Variants in MLLT10 observed in about 807,000 individuals in gnomAD.
The protein encoded by MLLT10 is protein AF-10.
MLLT10 carries 30 observed loss-of-function variants against 129.1 expected under a neutral mutation model. The ratio of observed to expected loss-of-function variants is 0.23; its 90% CI spans 0.17 to 0.32. The LOEUF is 0.32. Among genes scored for constraint, MLLT10 ranks in the 10% least tolerant of loss-of-function variants. MLLT10 has a pLI of 1.00. For missense variants in MLLT10, 1,119 were observed against 1,268.3 expected (o/e 0.88, Z 1.79); for synonymous variants, 490 against 446.4 (o/e 1.10, Z -1.23).
At chr10:21,592,760 G>T (rs1202456662) in intron 4 of MLLT10, among the ~76,000 whole-genome samples, 2 of 151,990 alleles carry the variant, frequency 1.3e-5, no homozygotes, top group Admixed American at 1.3e-4. Flanking sequence ...CACCGCGCCC[G>T]GCCAGTTTTC....
chr10:21,560,524 C>T (rs2038669103), intron 3 of MLLT10, among the ~76,000 whole-genome samples: 1 of 152,176 alleles, frequency 6.6e-6, no homozygotes, highest in Admixed American at 6.5e-5. Context: ...GGAGCGTCAA[C>T]CTCCTGGGAT....
At chr10:21,726,529 T>C (rs111439889) in intron 15 of MLLT10, among the ~76,000 whole-genome samples, 174 bp downstream of exon 15, 423 of 152,282 alleles carry the variant, frequency 2.8e-3, no homozygotes, top group African/African-American at 9.3e-3. Context: ...CTGGTTATGT[T>C]AACTAGCTTG....
At chr10:21,569,698 G>A (rs748595142) in intron 3 of MLLT10, among the ~76,000 whole-genome samples, 1 of 151,902 alleles carries the variant, frequency 6.6e-6, no homozygotes, top group Non-Finnish European at 1.5e-5. Context: ...TGAGATTACA[G>A]GTGTGAGCCA....
At chr10:21,546,166 C>T (rs1031452963) in intron 3 of MLLT10, among the ~76,000 whole-genome samples, 4 of 151,576 alleles carry the variant, frequency 2.6e-5, no homozygotes, top group Non-Finnish European at 5.9e-5. Flanking sequence ...CAACCTCTGC[C>T]TCCTGGGTTC....
intron 3 of MLLT10, among the ~76,000 whole-genome samples, chr10:21,547,731 GT>G (rs2036335499): frequency 1.3e-5 from 2 of 151,908 alleles, no homozygotes; most frequent in Admixed American, 1.3e-4. Context: ...TAGAGATGGG[GT>G]TTCACCATGT....
rs1464398485 is a variant in MLLT10, at chr10:21,580,893, T to C, written c.241-5401T>C. Among the ~76,000 whole-genome samples the C allele has an allele frequency of 1.2e-3, 143 of 120,672 alleles. 1 individual carries two copies. The East Asian group carries it at 0.029, about 25-fold the overall frequency. The allele number at this position is 120,672 out of a possible 152,430, so 79.2% of individuals were successfully genotyped here. A position where few individuals can be genotyped will look rare whatever the true frequency, so the allele number is the denominator to read the frequency against. ...ATTTTTTTTTTTTTTTTTTTTTTTT[T>C]AGTAGAGACGGAGTTTCACTATGTT... On this transcript the variant is annotated intron_variant, in intron 3 of 22. Transcript: ENST00000307729.
rs1259169909 is a variant in MLLT10, at chr10:21,631,308, C to T, written c.699+14101C>T. 2.7e-4 allele frequency among the ~76,000 whole-genome samples: 32 copies of T among 120,684 alleles called. No homozygotes were observed. The East Asian group carries it at 4.7e-3, about 18-fold the overall frequency. The allele number at this position is 120,684 out of a possible 152,430, so 79.2% of individuals were successfully genotyped here. On this transcript the variant is annotated intron_variant, in intron 8 of 22. Transcript: ENST00000307729. The stretch of plus-strand genomic sequence containing the variant: ...CAGCCTGGGCAACAGAGCAAGACTC[C>T]GTCTCAAAAAAAAAAAAAAAAAAAA...
At chr10:21,564,774 C>T (rs544698195) in intron 3 of MLLT10, among the ~76,000 whole-genome samples, 2 of 149,596 alleles carry the variant, frequency 1.3e-5, no homozygotes, top group South Asian at 2.1e-4. Flanking sequence ...CAGTGAGCCG[C>T]GATCGCACCA....
intron 13 of MLLT10, among the ~76,000 whole-genome samples, chr10:21,712,610 C>T (rs1469931307): frequency 6.6e-6 from 1 of 152,136 alleles, no homozygotes. Flanking sequence ...CTTGCCCTCC[C>T]AAGAGCTCTG....
At chr10:21,539,852 G>A (rs1423999455) in intron 3 of MLLT10, among the ~76,000 whole-genome samples, 2 of 152,126 alleles carry the variant, frequency 1.3e-5, no homozygotes, top group South Asian at 2.1e-4. Context: ...GGCTGAGGCA[G>A]GAGAATGGCG....
At chr10:21,620,693 G>T (rs902939945) in intron 8 of MLLT10, among the ~76,000 whole-genome samples, 1 of 151,452 alleles carries the variant, frequency 6.6e-6, no homozygotes. Context: ...AAAATTGTTT[G>T]TTCGTTTGTT....
At chr10:21,733,111 G>C (rs1241058744) in intron 18 of MLLT10, 24 bp downstream of exon 18, 1 of 1,565,366 alleles carries the variant, frequency 6.4e-7, no homozygotes, top group African/African-American at 1.4e-5. Context: ...TATTTATTTT[G>C]TATCTAAGGA....
chr10:21,564,640 A>G (rs1198577942), intron 3 of MLLT10: 1 of 150,824 alleles, frequency 6.6e-6, no homozygotes, highest in Non-Finnish European at 1.5e-5. Context: ...TTTTTGAGAC[A>G]GAGTCTCCCC....
intron 3 of MLLT10, among the ~76,000 whole-genome samples, chr10:21,555,022 T>C (rs903605598): frequency 6.6e-6 from 1 of 151,684 alleles, no homozygotes; most frequent in African/African-American, 2.4e-5. Context: ...GGTTTCACCA[T>C]GTTGGTCAGG....
intron 4 of MLLT10, among the ~76,000 whole-genome samples, chr10:21,588,667 A>G (rs1432468405): frequency 6.6e-6 from 1 of 152,134 alleles, no homozygotes; most frequent in Non-Finnish European, 1.5e-5. Flanking sequence ...AAGCTGTTCT[A>G]CATACCTTTG....
At position 21,587,567 on chromosome 10, in the gene MLLT10, A is replaced by T. The variant is rs374938634; in HGVS notation, c.295+1219A>T. Among the ~76,000 whole-genome samples, 4 of 151,862 alleles carry T rather than the reference A, an allele frequency of 2.6e-5. No homozygotes were observed. The East Asian group carries it at 7.8e-4, about 29-fold the overall frequency. ...TCATATTTTTCTACAGCTCAGTACT[A>T]TTCTGAAATGTGTAGACATGAGTTT... is the stretch of plus-strand genomic sequence containing the variant. On this transcript the variant is annotated intron_variant, in intron 4 of 22. Transcript: ENST00000307729.
chr10:21,596,727 A>G (rs994226411), intron 5 of MLLT10, among the ~76,000 whole-genome samples: 2 of 151,530 alleles, frequency 1.3e-5, no homozygotes, highest in African/African-American at 4.8e-5. Flanking sequence ...TTATTCATGT[A>G]TGTTAATTGA....
chr10:21,604,862 ATT>A (rs1159620099), intron 5 of MLLT10, among the ~76,000 whole-genome samples: 4 of 140,114 alleles, frequency 2.9e-5, no homozygotes, highest in East Asian at 4.2e-4. Context: ...CAGCCTGCCC[ATT>A]TTTTTTTTTT....
At chr10:21,674,011 C>T in intron 11 of MLLT10, 92 bp downstream of exon 11, 1 of 929,492 alleles carries the variant, frequency 1.1e-6, no homozygotes, top group East Asian at 2.8e-5. Flanking sequence ...TACGATAATA[C>T]TTGAAATTAA....
Sources: allele counts gnomAD v4.1 joint callset (sites outside exome capture counted in the v4.1 genomes callset), GRCh38; gene constraint gnomAD v4.1.1; transcripts MANE v1.5; gene names NCBI Gene and HGNC (gene_info 2026-07-23, HGNC 2026-07-21).